The following CNTLN variants were observed in gnomAD, a reference collection of about 807,000 sequenced individuals.
CNTLN encodes centlein.
A neutral mutation model predicts 180.0 loss-of-function variants in CNTLN; 212 were observed. The observed-to-expected ratio is 1.18, with a 90% CI of 1.05 to 1.32. The LOEUF (loss-of-function observed/expected upper bound fraction) is 1.32, where lower values mean the gene tolerates loss of function less well. Among genes scored for constraint, CNTLN ranks in the 40% most tolerant of loss-of-function variants. The probability of loss-of-function intolerance (pLI) is 0.00; values close to 1 mark genes in which losing one functional copy is unlikely to be tolerated. For missense variants in CNTLN, 2,095 were observed against 1,610.9 expected (o/e 1.30, Z -5.14); for synonymous variants, 722 against 563.1 (o/e 1.28, Z -3.99).
At chr9:17,395,260 T>A (rs1826431797) in intron 15 of CNTLN, among the ~76,000 whole-genome samples, 191 bp downstream of exon 15, 1 of 152,158 alleles carries the variant, frequency 6.6e-6, no homozygotes, top group Non-Finnish European at 1.5e-5. Context: ...TAGCCACAAC[T>A]GCATGAGTAC....
At chr9:17,393,496 G>A (rs1024907683) in intron 14 of CNTLN, among the ~76,000 whole-genome samples, 3 of 151,934 alleles carry the variant, frequency 2.0e-5, no homozygotes, top group African/African-American at 7.3e-5. Flanking sequence ...CATATGCCTT[G>A]TTGAATAGTG....
chr9:17,174,372 G>T (rs1820588813), intron 2 of CNTLN, among the ~76,000 whole-genome samples: 2 of 152,042 alleles, frequency 1.3e-5, no homozygotes, highest in African/African-American at 4.8e-5. Context: ...GTAATTGCTG[G>T]GCCATGTGAT....
Position 17,462,897 on chromosome 9 carries a change from A to G in CNTLN, c.3307-19A>G, listed in dbSNP as rs371777995. On this transcript the variant is annotated intron_variant, in intron 19 of 25. Transcript: ENST00000380647. ...AAGGTTGTAAGGTATATTTAAATTT[A>G]TTTCTATTTTTAATCTAGAATGCTA... 3.1e-5 allele frequency: 43 copies of G among 1,394,808 alleles called. No individual in the cohort carries two copies. Among genetic ancestry groups the G allele is most frequent in the Non-Finnish European group, 5.8e-6 (6 of 1,032,292 alleles). The allele number at this position is 1,394,808 out of a possible 1,614,324, so 86.4% of individuals were successfully genotyped here. A position where few individuals can be genotyped will look rare whatever the true frequency, so the allele number is the denominator to read the frequency against.
rs779287931 is a variant in CNTLN, at chr9:17,319,616, G to A, written c.1341+10364G>A. ...TGATCACTTAATTGTGTGACCTTGG[G>A]CAAGTTACTTCTCTGTCAACTCAGT... On this transcript the variant is annotated intron_variant, in intron 8 of 25. Coordinates refer to ENST00000380647, the MANE Select transcript of CNTLN (RefSeq NM_017738.4). Among the ~76,000 whole-genome samples, 8 of 152,162 alleles carry A rather than the reference G, an allele frequency of 5.3e-5. No homozygotes were observed. The South Asian group carries it at 1.7e-3, about 32-fold the overall frequency.
At chr9:17,328,836 G>A (rs1447679688) in intron 8 of CNTLN, among the ~76,000 whole-genome samples, 1 of 151,722 alleles carries the variant, frequency 6.6e-6, no homozygotes, top group Non-Finnish European at 1.5e-5. Context: ...TTTTATTGAG[G>A]AATTTTGAAG....
chr9:17,264,460 T>G (rs1258128010), intron 5 of CNTLN, among the ~76,000 whole-genome samples: 1 of 146,482 alleles, frequency 6.8e-6, no homozygotes, highest in African/African-American at 2.6e-5. Flanking sequence ...TGTAGTATAG[T>G]TTGAAGTCAG....
intron 23 of CNTLN, among the ~76,000 whole-genome samples, chr9:17,481,377 A>G (rs1405601215): frequency 6.6e-6 from 1 of 152,224 alleles, no homozygotes; most frequent in Non-Finnish European, 1.5e-5. Flanking sequence ...CGCAGAGCAC[A>G]TCAACAGCCT....
intron 5 of CNTLN, among the ~76,000 whole-genome samples, chr9:17,238,805 T>A (rs1364998369): frequency 2.6e-5 from 4 of 152,226 alleles, no homozygotes; most frequent in Non-Finnish European, 5.9e-5. Context: ...TACATGTATA[T>A]ATATTTTCAT....
At chr9:17,352,404 ATATATATATATAT>A (rs773517914) in intron 12 of CNTLN, among the ~76,000 whole-genome samples, 1,627 of 64,694 alleles carry the variant, frequency 0.025, 27 homozygotes, top group African/African-American at 0.067. Context: ...ATATATATAT[ATATATATATATAT>A]TTTTTTTTTT....
intron 13 of CNTLN, among the ~76,000 whole-genome samples, chr9:17,387,240 C>T (rs926402488): frequency 6.6e-6 from 1 of 152,088 alleles, no homozygotes; most frequent in African/African-American, 2.4e-5. Context: ...TTTACACTGA[C>T]CTACAGCAGC....
chr9:17,318,189 G>A (rs751952548), intron 8 of CNTLN, among the ~76,000 whole-genome samples: 6 of 151,690 alleles, frequency 4.0e-5, no homozygotes, highest in Non-Finnish European at 5.9e-5. Context: ...CACCACGCCC[G>A]GCTAATTTTT....
At chr9:17,178,407 G>T (rs1313889757) in intron 2 of CNTLN, among the ~76,000 whole-genome samples, 2 of 152,202 alleles carry the variant, frequency 1.3e-5, no homozygotes, top group Non-Finnish European at 2.9e-5. Flanking sequence ...CGTGCCCTGT[G>T]CCCGCACTCC....
intron 8 of CNTLN, among the ~76,000 whole-genome samples, chr9:17,311,571 A>G (rs948556009): frequency 2.0e-5 from 3 of 151,020 alleles, no homozygotes; most frequent in South Asian, 2.1e-4. Flanking sequence ...GCACTTTGAG[A>G]GGCCGAGGCG....
At chr9:17,181,119 G>C (rs572665521) in intron 2 of CNTLN, among the ~76,000 whole-genome samples, 1 of 152,246 alleles carries the variant, frequency 6.6e-6, no homozygotes, top group African/African-American at 2.4e-5. Flanking sequence ...TTGAGTCACT[G>C]TTTCTTTGTA....
intron 10 of CNTLN, among the ~76,000 whole-genome samples, chr9:17,333,109 C>G (rs993171009): frequency 6.6e-6 from 1 of 151,842 alleles, no homozygotes; most frequent in African/African-American, 2.4e-5. Context: ...GCATATTAAC[C>G]TAGCTCAGAT....
chr9:17,348,399 A>G (rs1470357587), intron 12 of CNTLN, among the ~76,000 whole-genome samples: 1 of 152,130 alleles, frequency 6.6e-6, no homozygotes, highest in Non-Finnish European at 1.5e-5. Flanking sequence ...CTACTAGGAA[A>G]AGATGGGAGA....
intron 7 of CNTLN, among the ~76,000 whole-genome samples, chr9:17,304,128 G>C (rs1818550799): frequency 6.6e-6 from 1 of 152,092 alleles, no homozygotes; most frequent in Non-Finnish European, 1.5e-5. Flanking sequence ...GAATTGAGGA[G>C]GGGAGACAAA....
intron 23 of CNTLN, among the ~76,000 whole-genome samples, chr9:17,477,737 C>A (rs961442133): frequency 6.6e-6 from 1 of 152,188 alleles, no homozygotes; most frequent in Non-Finnish European, 1.5e-5. Context: ...GTAGAGAAAG[C>A]GGTTTCCTGA....
At chr9:17,289,105 C>G (rs1358555279) in intron 6 of CNTLN, among the ~76,000 whole-genome samples, 5 of 122,954 alleles carry the variant, frequency 4.1e-5, no homozygotes, top group Non-Finnish European at 6.6e-5. Context: ...TCCTAGTCTC[C>G]ATGGTCTTTA....
Sources: gnomAD v4.1 joint callset for allele counts (sites outside exome capture counted in the v4.1 genomes callset) on GRCh38, gnomAD v4.1.1 for gene constraint, MANE v1.5 for transcripts, NCBI Gene and HGNC (gene_info 2026-07-23, HGNC 2026-07-21) for gene names.